PIPOX: variants seen among roughly 807,000 people sequenced by gnomAD.
The protein encoded by PIPOX is pipecolic acid and sarcosine oxidase, also known as peroxisomal sarcosine oxidase.
A neutral mutation model predicts 47.9 loss-of-function variants in PIPOX; 45 were observed. The ratio of observed to expected loss-of-function variants is 0.94; its 90% CI spans 0.74 to 1.20. The LOEUF is 1.20. Among genes scored for constraint, PIPOX ranks in the 50% most tolerant of loss-of-function variants. The probability of loss-of-function intolerance (pLI) is 0.00; values close to 1 mark genes in which losing one functional copy is unlikely to be tolerated. For synonymous variants in PIPOX, 165 were observed against 191.3 expected, an observed-to-expected ratio of 0.86 and a Z score of 1.13; for missense variants, 458 against 498.4, an observed-to-expected ratio of 0.92 and a Z score of 0.77.
At chr17:29,049,482 A>C (rs556345736) in intron 2 of PIPOX, among the ~76,000 whole-genome samples, 1 of 152,328 alleles carries the variant, frequency 6.6e-6, no homozygotes, top group Non-Finnish European at 1.5e-5. Flanking sequence ...AGAAAAAGCC[A>C]TTAAGAAAAT....
chr17:29,051,370 C>T (rs1450684266), intron 2 of PIPOX, among the ~76,000 whole-genome samples: 1 of 152,294 alleles, frequency 6.6e-6, no homozygotes, highest in Non-Finnish European at 1.5e-5. Context: ...GCCCCAGGGC[C>T]CACGGTGTCC....
intron 6 of PIPOX, 93 bp downstream of exon 6, chr17:29,055,314 G>C: frequency 2.8e-6 from 4 of 1,433,906 alleles, no homozygotes; most frequent in Non-Finnish European, 3.9e-6. Flanking sequence ...CCGATTGTTT[G>C]ACCCCTGACA....
chr17:29,055,396 G>T (rs370861720), intron 6 of PIPOX, among the ~76,000 whole-genome samples, 175 bp downstream of exon 6: 1 of 152,146 alleles, frequency 6.6e-6, no homozygotes, highest in Non-Finnish European at 1.5e-5. Context: ...GGTCCTGTTC[G>T]AAATTATTCC....
rs2065828969 is a variant in PIPOX, at chr17:29,056,485, C to T, written c.*180C>T. 1 of 683,794 alleles carries T rather than the reference C, an allele frequency of 1.5e-6. No homozygotes were observed. The highest frequency in any genetic ancestry group is 1.8e-5 in the African/African-American group (1 of 55,468). The allele number at this position is 683,794 out of a possible 1,614,324, so 42.4% of individuals were successfully genotyped here. A position where few individuals can be genotyped will look rare whatever the true frequency, so the allele number is the denominator to read the frequency against. On this transcript the variant is annotated 3_prime_UTR_variant, in exon 8 of 8. Transcript: ENST00000323372. ...CTTGGCCCGCTCCCTTTTTCTTCTG[C>T]CTCACTTGAATCCCCCGTAAACACC...
intron 2 of PIPOX, among the ~76,000 whole-genome samples, chr17:29,050,228 C>A (rs1432368788): frequency 6.6e-6 from 1 of 152,162 alleles, no homozygotes; most frequent in Non-Finnish European, 1.5e-5. Context: ...ATATTGCAGG[C>A]AGAGATTAGA....
chr17:29,047,524 A>C (rs1174787778), intron 2 of PIPOX, among the ~76,000 whole-genome samples: 3 of 152,216 alleles, frequency 2.0e-5, no homozygotes, highest in Non-Finnish European at 4.4e-5. Flanking sequence ...TAGCCTTTGC[A>C]GGCAACGTGG....
At chr17:29,047,733 C>T (rs1170370715) in intron 2 of PIPOX, among the ~76,000 whole-genome samples, 2 of 152,142 alleles carry the variant, frequency 1.3e-5, no homozygotes, top group Non-Finnish European at 2.9e-5. Context: ...CATCTTGGCT[C>T]ATGGACCAGA....
intron 2 of PIPOX, chr17:29,051,814 A>G: frequency 2.5e-6 from 1 of 403,726 alleles, no homozygotes; most frequent in East Asian, 7.2e-5. Context: ...AATCTTCTCG[A>G]GCATTGCAGG....
chr17:29,054,278 G>A (rs747255028), intron 4 of PIPOX, among the ~76,000 whole-genome samples: 13 of 152,184 alleles, frequency 8.5e-5, no homozygotes, highest in South Asian at 2.1e-4. Flanking sequence ...ATTAATTCCC[G>A]AAAAGAGACA....
chr17:29,052,799 G>A, intron 2 of PIPOX, 121 bp from the exon 3 acceptor site: 1 of 789,322 alleles, frequency 1.3e-6, no homozygotes, highest in Non-Finnish European at 2.1e-6. Flanking sequence ...GAACAAATTA[G>A]TGGCCTCAAG....
In PIPOX at chr17:29,056,437, G is replaced by A. The variant is rs2065828756; in HGVS notation, c.*132G>A. 1.9e-5 allele frequency: 19 copies of A among 1,008,010 alleles called. No individual in the cohort carries two copies. In the South Asian group the frequency reaches 3.0e-4, roughly 16 times the overall value. 62.4% of individuals were successfully genotyped at this position (1,008,010 alleles called of 1,614,324 possible). ...TCGCCTGAATCCCCCATAAACACCAGATGATTGAGTCTACCTTCTTTCCTT... is the reference window on the plus strand; with the variant it reads ...TCGCCTGAATCCCCCATAAACACCAAATGATTGAGTCTACCTTCTTTCCTT... On this transcript the variant is annotated 3_prime_UTR_variant, in exon 8 of 8. Transcript: ENST00000323372.
chr17:29,055,930 C>T (rs769669809), intron 7 of PIPOX, 42 bp downstream of exon 7: 2 of 1,534,826 alleles, frequency 1.3e-6, no homozygotes, highest in Non-Finnish European at 1.8e-6. Flanking sequence ...TAAAGCTGAC[C>T]TACCTCAGTG....
chr17:29,043,486 A>G lies in PIPOX; in HGVS notation c.114+147A>G, dbSNP rs2065774263. 7.0e-6 allele frequency: 4 copies of G among 567,956 alleles called. No homozygotes were observed. In the Admixed American group the frequency reaches 9.6e-5, roughly 14 times the overall value. The allele number at this position is 567,956 out of a possible 1,614,324, so 35.2% of individuals were successfully genotyped here. On this transcript the variant is annotated intron_variant, in intron 1 of 7. Coordinates refer to ENST00000323372, the MANE Select transcript of PIPOX (RefSeq NM_016518.3). ...TGTGTAATTTGTATCTTAGCTGCCT[A>G]GTGTGTTTCATGGCAATTCAAAGAA...
At position 29,046,817 on chromosome 17, in the gene PIPOX, G is replaced by C. The variant is rs2065787151; in HGVS notation, c.263+1810G>C. ...AATCTCAGCTCTGACACGCTCAGCT[G>C]TGTGGTTTGGAACGAGCTGTTGAAC... On this transcript the variant is annotated intron_variant, in intron 2 of 7. Coordinates refer to ENST00000323372, the MANE Select transcript of PIPOX (RefSeq NM_016518.3). The C allele has an allele frequency of 3.5e-5, 33 of 943,056 alleles. 1 individual carries two copies. The highest frequency in any genetic ancestry group is 4.2e-5 in the Non-Finnish European group (33 of 791,294). 58.4% of individuals were successfully genotyped at this position (943,056 alleles called of 1,614,324 possible). A position where few individuals can be genotyped will look rare whatever the true frequency, so the allele number is the denominator to read the frequency against.
In PIPOX at chr17:29,055,235, G is replaced by A. The variant is rs1397224292; in HGVS notation, c.966+14G>A. Reference sequence around the variant, plus strand: ...TGCATGTACACGGTAAGGGGTCTGGGCAGCCTTGCTGGGCCCCCTCACCAC... The same window carrying A: ...TGCATGTACACGGTAAGGGGTCTGGACAGCCTTGCTGGGCCCCCTCACCAC... On this transcript the variant is annotated intron_variant, in intron 6 of 7. Transcript: ENST00000323372. 3.1e-6 allele frequency: 5 copies of A among 1,614,034 alleles called. No homozygotes were observed. The highest frequency in any genetic ancestry group is 3.4e-6 in the Non-Finnish European group (4 of 1,180,002).
rs371864651 is a variant in PIPOX at position 29,044,941 on chromosome 17, G to A, written c.197G>A (p.Arg66Gln). 7.8e-5 allele frequency: 126 copies of A among 1,614,154 alleles called. No individual in the cohort carries two copies. The highest frequency in any genetic ancestry group is 3.3e-4 in the Middle Eastern group (2 of 6,062). ...RKAYLEDFYT[R>Q]MMHECYQIWA... is the part of the protein sequence containing the mutation. ...GCGTACCTGGAAGACTTTTACACCC[G>A]GATGATGCATGAGTGCTATCAGATA... The change falls in exon 2 of 8, where the codon CGG (arginine) becomes CAG (glutamine). Residue 66 changes from arginine (R) to glutamine (Q), a missense_variant. Arg to Gln is a conservative substitution (Grantham distance 43). Transcript: ENST00000323372.
rs773860030 is a variant in PIPOX, at chr17:29,054,570, G to A, written c.686G>A (p.Trp229Ter). ...LQTLRINVCYWREMVPGSYGV... is the reference protein window; with the variant it reads ...LQTLRINVCY ...ACCCTGCGGATCAACGTGTGTTACT[G>A]GCGAGAGATGGTTCCTGGGAGCTAT... Residue 229 changes from tryptophan to a stop codon, truncating the protein, a stop_gained, in exon 5 of 8, where the codon TGG becomes TAG. Transcript: ENST00000323372. LOFTEE classifies it high-confidence loss of function. The A allele has an allele frequency of 5.3e-5, 86 of 1,614,082 alleles. No individual in the cohort carries two copies. Among genetic ancestry groups the A allele is most frequent in the Non-Finnish European group, 7.0e-5 (83 of 1,180,050 alleles).
chr17:29,055,227 G>A lies in PIPOX; in HGVS notation c.966+6G>A, dbSNP rs757756024. 2 of 1,614,140 alleles carry A rather than the reference G, an allele frequency of 1.2e-6. No homozygotes were observed. The highest frequency in any genetic ancestry group is 2.2e-5 in the East Asian group (1 of 44,886). On this transcript the variant is annotated splice_donor_region_variant and intron_variant, in intron 6 of 7. Transcript: ENST00000323372. ...TTGAGAGCTGCATGTACACGGTAAG[G>A]GGTCTGGGCAGCCTTGCTGGGCCCC... is the stretch of plus-strand genomic sequence containing the variant.
At chr17:29,049,758 C>A (rs1413195286) in intron 2 of PIPOX, among the ~76,000 whole-genome samples, 1 of 152,206 alleles carries the variant, frequency 6.6e-6, no homozygotes, top group Non-Finnish European at 1.5e-5. Context: ...TTCCCTCAGG[C>A]CAAATAGCTC....
Sources: allele counts gnomAD v4.1 joint callset (sites outside exome capture counted in the v4.1 genomes callset), GRCh38; gene constraint gnomAD v4.1.1; transcripts MANE v1.5; gene names NCBI Gene and HGNC (gene_info 2026-07-23, HGNC 2026-07-21).